The following VGLL4 variants were observed in gnomAD, a reference collection of about 807,000 sequenced individuals.
VGLL4 encodes the protein vestigial like family member 4, also known as transcription cofactor vestigial-like protein 4.
Under a neutral mutation model 21.0 loss-of-function variants are expected in VGLL4, and 7 were observed. The observed-to-expected ratio is 0.33, with a 90% CI of 0.19 to 0.63. The LOEUF is 0.63. Ranked by LOEUF, VGLL4 falls within the 20% of genes least tolerant of loss-of-function variation. The pLI, the probability that VGLL4 is intolerant of heterozygous loss-of-function variation, is 0.78. For synonymous variants in VGLL4, 222 were observed against 173.2 expected (o/e 1.28, Z -2.21); for missense variants, 394 against 425.7 (o/e 0.93, Z 0.66).
Position 11,558,415 on chromosome 3 carries a change from CCAA to C in VGLL4, c.*138_*140del. The C allele has an allele frequency of 5.2e-6, 7 of 1,346,042 alleles. No homozygotes were observed. In the South Asian group the frequency reaches 6.1e-5, roughly 12 times the overall value. 83.4% of individuals were successfully genotyped at this position (1,346,042 alleles called of 1,614,324 possible). A position where few individuals can be genotyped will look rare whatever the true frequency, so the allele number is the denominator to read the frequency against. On this transcript the variant is annotated 3_prime_UTR_variant, in exon 5 of 5. Transcript: ENST00000430365. The stretch of plus-strand genomic sequence containing the variant: ...CAAGTACAAAAACAGAACACAAATC[CCAA>C]CAACATGGTTTTTGCAAATAAACCA...
At chr3:11,684,730 C>CTGTGTGTGTGTGTGTGTGTG (rs61220485) in intron 2 of VGLL4, among the ~76,000 whole-genome samples, 117 of 148,780 alleles carry the variant, frequency 7.9e-4, no homozygotes, top group Middle Eastern at 3.4e-3. Flanking sequence ...CAACCTTTTT[C>CTGTGTGTGTGTGTGTGTGTG]TGTGTGTGTG....
intron 1 of VGLL4, among the ~76,000 whole-genome samples, chr3:11,611,111 A>C (rs573553510): frequency 9.4e-6 from 1 of 106,170 alleles, no homozygotes; most frequent in South Asian, 3.4e-4. Context: ...AAGACAGTTG[A>C]GGAGGGAGGA....
chr3:11,709,435 T>TA (rs58100629), intron 1 of VGLL4, among the ~76,000 whole-genome samples: 3,416 of 108,384 alleles, frequency 0.032, 190 homozygotes, highest in African/African-American at 0.098. Context: ...AGACTCCGTC[T>TA]AAAAAAAAAA....
At chr3:11,570,932 G>C (rs1040017862) in intron 2 of VGLL4, among the ~76,000 whole-genome samples, 5 of 152,148 alleles carry the variant, frequency 3.3e-5, no homozygotes, top group Admixed American at 1.3e-4. Flanking sequence ...AAGGTGCCTG[G>C]GTGTGTCCCC....
chr3:11,659,409 G>GTAT (rs2076005306), intron 2 of VGLL4, among the ~76,000 whole-genome samples: 1 of 143,936 alleles, frequency 6.9e-6, no homozygotes, highest in Non-Finnish European at 1.5e-5. Context: ...TCGGCTCACC[G>GTAT]CAACCTCCAC....
At chr3:11,681,943 A>ATCTCC (rs2076377645) in intron 2 of VGLL4, among the ~76,000 whole-genome samples, 1 of 152,226 alleles carries the variant, frequency 6.6e-6, no homozygotes, top group African/African-American at 2.4e-5. Flanking sequence ...GCATAAAGAC[A>ATCTCC]AAGTGGGACA....
chr3:11,586,434 T>C (rs910489065), intron 2 of VGLL4, among the ~76,000 whole-genome samples: 1 of 152,208 alleles, frequency 6.6e-6, no homozygotes, highest in African/African-American at 2.4e-5. Flanking sequence ...GCACAGGTAA[T>C]ATGGTATACA....
chr3:11,683,738 G>A (rs12491190), intron 2 of VGLL4, among the ~76,000 whole-genome samples: 79,452 of 151,532 alleles, frequency 0.52, 21,968 homozygotes, highest in Non-Finnish European at 0.63. Context: ...AGTTTGCAGT[G>A]AGCCAAGATT....
At chr3:11,635,104 G>A (rs1369108649) in intron 1 of VGLL4, among the ~76,000 whole-genome samples, 2 of 152,190 alleles carry the variant, frequency 1.3e-5, no homozygotes, top group Non-Finnish European at 2.9e-5. Context: ...TTTAGTGACC[G>A]TGTCTGGAAC....
intron 1 of VGLL4, among the ~76,000 whole-genome samples, chr3:11,641,703 A>C (rs1575485682): frequency 6.6e-6 from 1 of 152,342 alleles, no homozygotes; most frequent in East Asian, 1.9e-4. Context: ...TCAGCCCATT[A>C]TCCCATATAG....
At chr3:11,644,914 A>G (rs1211903184), upstream of VGLL4, among the ~76,000 whole-genome samples, 1 of 152,008 alleles carries the variant, frequency 6.6e-6, no homozygotes, top group East Asian at 1.9e-4. Flanking sequence ...AGAGTGTTTA[A>G]GCAAATAGGG....
chr3:11,606,702 CTAAA>C (rs1196764410), intron 1 of VGLL4, among the ~76,000 whole-genome samples: 1 of 152,066 alleles, frequency 6.6e-6, no homozygotes, highest in East Asian at 1.9e-4. Flanking sequence ...CTGTGGGTAG[CTAAA>C]GGTTTGTAAA....
intron 2 of VGLL4, among the ~76,000 whole-genome samples, chr3:11,673,163 A>G (rs1439627303): frequency 6.6e-6 from 1 of 152,194 alleles, no homozygotes; most frequent in Non-Finnish European, 1.5e-5. Flanking sequence ...ATATCTGAGG[A>G]AAGCTACTAA....
At position 11,557,576 on chromosome 3, in the gene VGLL4, A is replaced by G. The variant is rs570236737; in HGVS notation, c.*980T>C. 6 of 152,738 alleles carry G rather than the reference A, an allele frequency of 3.9e-5. No homozygotes were observed. The East Asian group carries it at 9.4e-4, about 24-fold the overall frequency. 9.5% of individuals were successfully genotyped at this position (152,738 alleles called of 1,614,324 possible). On this transcript the variant is annotated 3_prime_UTR_variant, in exon 5 of 5. Coordinates refer to ENST00000430365, the MANE Select transcript of VGLL4 (RefSeq NM_001128219.3). ...CCCGCACTACTTGTGAGTAAAGTGAATATCAAATACCAATCTTAGAGTACA... is the reference window on the plus strand; with the variant it reads ...CCCGCACTACTTGTGAGTAAAGTGAGTATCAAATACCAATCTTAGAGTACA...
intron 2 of VGLL4, among the ~76,000 whole-genome samples, chr3:11,674,011 CAAAAAA>C: frequency 1.8e-5 from 1 of 56,902 alleles, no homozygotes; most frequent in African/African-American, 7.1e-5. Context: ...GACTTTGTCT[CAAAAAA>C]AAAAAAAAAA....
rs2072437116 is a variant in VGLL4, at chr3:11,556,606, A to AT, written c.*1949_*1950insA. 6.6e-6 allele frequency: 1 copy of AT among 152,540 alleles called. No individual in the cohort carries two copies. The highest frequency in any genetic ancestry group is 2.1e-4 in the South Asian group (1 of 4,822). 9.4% of individuals were successfully genotyped at this position (152,540 alleles called of 1,614,324 possible). ...TACAGACAAATCTACGACAAAAAAAAAGATCAACTTTTTTTTTCCGAACAA... is the reference window on the plus strand; with the variant it reads ...TACAGACAAATCTACGACAAAAAAAATAGATCAACTTTTTTTTTCCGAACAA... On this transcript the variant is annotated 3_prime_UTR_variant, in exon 5 of 5. Transcript: ENST00000430365.
chr3:11,665,392 C>T (rs1193564183), intron 2 of VGLL4, among the ~76,000 whole-genome samples: 3 of 152,170 alleles, frequency 2.0e-5, no homozygotes, highest in Non-Finnish European at 4.4e-5. Context: ...GGATTACAGG[C>T]CTGAGCCACC....
intron 2 of VGLL4, among the ~76,000 whole-genome samples, chr3:11,578,752 T>C (rs1332710324): frequency 7.5e-5 from 10 of 133,442 alleles, no homozygotes; most frequent in Admixed American, 6.0e-4. Context: ...TATTTTCTTT[T>C]TTTTTTTTTT....
chr3:11,622,490 G>A (rs944778749), intron 1 of VGLL4, among the ~76,000 whole-genome samples: 1 of 151,866 alleles, frequency 6.6e-6, no homozygotes, highest in African/African-American at 2.4e-5. Flanking sequence ...TTTCTTTAAA[G>A]CCATGCTGAC....
Sources: gnomAD v4.1 joint callset for allele counts (sites outside exome capture counted in the v4.1 genomes callset) on GRCh38, gnomAD v4.1.1 for gene constraint, MANE v1.5 for transcripts, NCBI Gene and HGNC (gene_info 2026-07-23, HGNC 2026-07-21) for gene names.